The following PIAS4 variants were observed in gnomAD, a reference collection of about 807,000 sequenced individuals.
PIAS4 encodes the protein protein inhibitor of activated STAT 4, also known as E3 SUMO-protein ligase PIAS4.
Under a neutral mutation model 58.0 loss-of-function variants are expected in PIAS4, and 7 were observed. The ratio of observed to expected loss-of-function variants is 0.12; its 90% CI spans 0.07 to 0.23. The LOEUF is 0.23. PIAS4 is among the 10% of genes least tolerant of loss of function. The pLI is 1.00. For missense variants in PIAS4, 550 were observed against 709.5 expected, an observed-to-expected ratio of 0.78 and a Z score of 2.55; for synonymous variants, 364 against 312.4, an observed-to-expected ratio of 1.17 and a Z score of -1.74.
Position 4,024,024 on chromosome 19 carries a change from G to A in PIAS4, c.455-12G>A, listed in dbSNP as rs1048557548. On this transcript the variant is annotated splice_polypyrimidine_tract_variant and intron_variant, in intron 2 of 10. Coordinates refer to ENST00000262971, the MANE Select transcript of PIAS4 (RefSeq NM_015897.4). ...GGACCAGACATGCCCCTGACCCCGT[G>A]TTTGTCTTCAGTCCCACAGAACAAC... 8.7e-6 allele frequency: 14 copies of A among 1,606,596 alleles called. No individual in the cohort carries two copies. Among genetic ancestry groups the A allele is most frequent in the Non-Finnish European group, 1.2e-5 (14 of 1,173,048 alleles).
At chr19:4,010,220 A>G (rs1316416329) in intron 1 of PIAS4, among the ~76,000 whole-genome samples, 2 of 152,192 alleles carry the variant, frequency 1.3e-5, no homozygotes, top group African/African-American at 4.8e-5. Flanking sequence ...TGTCAAGGGC[A>G]GGCTCCTCCG....
intron 1 of PIAS4, among the ~76,000 whole-genome samples, chr19:4,012,668 G>A (rs1322277462): frequency 6.6e-6 from 1 of 152,074 alleles, no homozygotes; most frequent in Non-Finnish European, 1.5e-5. Context: ...ACCTAAAATA[G>A]AAGGGGGGGC....
chr19:4,034,530 T>A (rs1192167232), intron 9 of PIAS4, among the ~76,000 whole-genome samples: 1 of 152,172 alleles, frequency 6.6e-6, no homozygotes, highest in Non-Finnish European at 1.5e-5. Context: ...TGAGTCTGGG[T>A]CCCCTCTGTG....
In PIAS4 at chr19:4,013,295, G is replaced by T. The variant is rs1429059576; in HGVS notation, c.400G>T (p.Val134Leu). ...GACCCTCAAGCCAGAAGTCCGCCTG[G>T]TGAAGCTGCCGTTCTTTAATATGCT... ...AKTLKPEVRLVKLPFFNMLDE... is the reference protein window; with the variant it reads ...AKTLKPEVRLLKLPFFNMLDE... The change falls in exon 2 of 11, where the codon GTG becomes TTG. Residue 134 changes from valine to leucine, a missense_variant. By Grantham distance (32) the Val-to-Leu change is conservative. Coordinates refer to ENST00000262971, the MANE Select transcript of PIAS4 (RefSeq NM_015897.4). The surrounding 1 kb of genome is among the most constrained non-coding windows in gnomAD (Gnocchi z 5.1). 6.2e-7 allele frequency: 1 copy of T among 1,613,220 alleles called. No individual in the cohort carries two copies. The highest frequency in any genetic ancestry group is 1.7e-5 in the Admixed American group (1 of 60,022).
intron 4 of PIAS4, 47 bp from the exon 5 acceptor site, chr19:4,028,463 C>G (rs770129941): frequency 3.5e-6 from 5 of 1,423,494 alleles, no homozygotes; most frequent in Non-Finnish European, 4.9e-6. Flanking sequence ...AGCCTAGTCC[C>G]TCCTGTGCGC....
intron 2 of PIAS4, 67 bp from the exon 3 acceptor site, chr19:4,023,969 A>T (rs1314522489): frequency 9.1e-7 from 1 of 1,094,816 alleles, no homozygotes; most frequent in Non-Finnish European, 1.4e-6. Flanking sequence ...GCAGGCTGGG[A>T]AAAGCGACTG....
chr19:4,028,857 G>A lies in PIAS4; in HGVS notation c.801+9G>A, dbSNP rs1393548301. ...GGGGGAACTACGGCAAGGTGAGTGC[G>A]TGCCCGGGTGCCCACCCTGCCCCCC... On this transcript the variant is annotated intron_variant, in intron 6 of 10. Coordinates refer to ENST00000262971, the MANE Select transcript of PIAS4 (RefSeq NM_015897.4). 6.8e-6 allele frequency: 11 copies of A among 1,613,132 alleles called. No homozygotes were observed. Among genetic ancestry groups the A allele is most frequent in the East Asian group, 2.2e-5 (1 of 44,862 alleles).
chr19:4,022,685 T>C (rs2040122330), intron 2 of PIAS4, among the ~76,000 whole-genome samples: 1 of 151,700 alleles, frequency 6.6e-6, no homozygotes, highest in East Asian at 2.0e-4. Context: ...TGTTTTTGTT[T>C]TTTTGGGTTT....
chr19:4,023,449 A>G (rs767132996), intron 2 of PIAS4, among the ~76,000 whole-genome samples: 6 of 152,046 alleles, frequency 3.9e-5, no homozygotes, highest in Non-Finnish European at 8.8e-5. Flanking sequence ...GACAGGGTAA[A>G]ACTCCATCTC....
chr19:4,010,574 G>A (rs1381763726), intron 1 of PIAS4, among the ~76,000 whole-genome samples: 1 of 152,250 alleles, frequency 6.6e-6, no homozygotes, highest in East Asian at 1.9e-4. Flanking sequence ...AGCAGACCAT[G>A]CAGGTCCCCA....
intron 3 of PIAS4, 56 bp downstream of exon 3, chr19:4,024,176 T>G: frequency 1.7e-6 from 2 of 1,168,424 alleles, no homozygotes; most frequent in Non-Finnish European, 2.5e-6. Flanking sequence ...CACTTTCTCC[T>G]GGGCTCACTG....
At chr19:4,034,902 G>T (rs745774991) in intron 9 of PIAS4, among the ~76,000 whole-genome samples, 6 of 152,196 alleles carry the variant, frequency 3.9e-5, no homozygotes, top group Non-Finnish European at 7.3e-5. Context: ...TGACCCCAGG[G>T]TCCCCAAAAG....
At chr19:4,014,878 T>C (rs368804776) in intron 2 of PIAS4, among the ~76,000 whole-genome samples, 39 of 152,080 alleles carry the variant, frequency 2.6e-4, no homozygotes, top group African/African-American at 9.2e-4. Context: ...TGGGACTTAG[T>C]GAGGTTAGGC....
chr19:4,034,489 C>T (rs575437699), intron 9 of PIAS4, among the ~76,000 whole-genome samples: 25 of 152,362 alleles, frequency 1.6e-4, no homozygotes, highest in African/African-American at 4.8e-4. Context: ...TACCCCGGCT[C>T]ACGGGGCCAG....
At chr19:4,031,724 C>T (rs761686551) in intron 7 of PIAS4, among the ~76,000 whole-genome samples, 3 of 152,148 alleles carry the variant, frequency 2.0e-5, no homozygotes, top group Non-Finnish European at 4.4e-5. Flanking sequence ...TTCCCACAGC[C>T]GGCCCCAGGC....
intron 7 of PIAS4, among the ~76,000 whole-genome samples, chr19:4,029,581 C>T (rs1370031632): frequency 6.6e-6 from 1 of 151,214 alleles, no homozygotes. Context: ...GAGTCAGGGT[C>T]TCTGGGAGGT....
Position 4,029,000 on chromosome 19 carries a change from A to G in PIAS4, c.871A>G (p.Ile291Val), listed in dbSNP as rs761472167. The change falls in exon 7 of 11, where the codon ATT becomes GTT. Residue 291 changes from isoleucine to valine, a missense_variant. Coordinates refer to ENST00000262971, the MANE Select transcript of PIAS4 (RefSeq NM_015897.4). ...GGAGCTGCTGCAGAGGCTGAAGACC[A>G]TTGGGGTAAAGCACCCGGAGCTGTG... The part of the protein sequence containing the change: ...SSELLQRLKT[I>V]GVKHPELCKA... 5 of 1,609,572 alleles carry G rather than the reference A, an allele frequency of 3.1e-6. No homozygotes were observed. In the Admixed American group the frequency reaches 8.4e-5, roughly 27 times the overall value.
chr19:4,009,173 G>A (rs2039970073), intron 1 of PIAS4, among the ~76,000 whole-genome samples: 1 of 151,752 alleles, frequency 6.6e-6, no homozygotes, highest in African/African-American at 2.4e-5. Flanking sequence ...CCCTCCCCAC[G>A]GTCCTGACCT....
rs780102227 is a variant in PIAS4 at position 4,024,031 on chromosome 19, T to C, written c.455-5T>C. On this transcript the variant is annotated splice_polypyrimidine_tract_variant and splice_region_variant and intron_variant, in intron 2 of 10. Transcript: ENST00000262971. ...ACATGCCCCTGACCCCGTGTTTGTC[T>C]TCAGTCCCACAGAACAACGAGAAGC... 3.7e-6 allele frequency: 6 copies of C among 1,610,908 alleles called. No individual in the cohort carries two copies. The highest frequency in any genetic ancestry group is 4.2e-6 in the Non-Finnish European group (5 of 1,177,040).
Sources: allele counts gnomAD v4.1 joint callset (sites outside exome capture counted in the v4.1 genomes callset), GRCh38; gene constraint gnomAD v4.1.1; non-coding constraint Gnocchi (gnomAD v3.1); transcripts MANE v1.5; gene names NCBI Gene and HGNC (gene_info 2026-07-23, HGNC 2026-07-21).